PDE1C: variants seen among roughly 807,000 people sequenced by gnomAD.
The protein encoded by PDE1C is dual specificity calcium/calmodulin-dependent 3',5'-cyclic nucleotide phosphodiesterase 1C.
In PDE1C, 62 loss-of-function variants were observed where a neutral mutation model predicts 93.1. The ratio of observed to expected loss-of-function variants is 0.67; its 90% confidence interval spans 0.54 to 0.82. The LOEUF is 0.82. PDE1C is among the 40% of genes least tolerant of loss of function. The probability of loss-of-function intolerance (pLI) is 0.00; values close to 1 mark genes in which losing one functional copy is unlikely to be tolerated. For synonymous variants in PDE1C, 325 were observed against 310.1 expected, an observed-to-expected ratio of 1.05 and a Z score of -0.50; for missense variants, 742 against 884.6, an observed-to-expected ratio of 0.84 and a Z score of 2.04.
intron 6 of PDE1C, among the ~76,000 whole-genome samples, chr7:31,872,698 A>C (rs948298859): frequency 5.3e-5 from 8 of 151,986 alleles, no homozygotes; most frequent in African/African-American, 1.9e-4. Context: ...GACTACATCA[A>C]CTCCCTGAGG....
At chr7:31,934,296 G>A (rs567318876) in intron 2 of PDE1C, among the ~76,000 whole-genome samples, 1 of 152,270 alleles carries the variant, frequency 6.6e-6, no homozygotes. Flanking sequence ...AAATGATTCA[G>A]TTTTTTAAAA....
At chr7:31,956,471 A>G (rs1218269898) in intron 2 of PDE1C, among the ~76,000 whole-genome samples, 2 of 149,948 alleles carry the variant, frequency 1.3e-5, no homozygotes, top group Non-Finnish European at 3.0e-5. Context: ...TATTTCTTTG[A>G]TCATTATTGT....
At chr7:32,292,422 A>C (rs1421358018) in intron 1 of PDE1C, among the ~76,000 whole-genome samples, 1 of 152,186 alleles carries the variant, frequency 6.6e-6, no homozygotes, top group Non-Finnish European at 1.5e-5. Flanking sequence ...TTCAATTATA[A>C]AAGAAATTAA....
At chr7:31,718,700 C>A in the PDE1C span, among the ~76,000 whole-genome samples, 2 of 152,166 alleles carry the variant, frequency 1.3e-5, no homozygotes, top group Admixed American at 6.5e-5. Flanking sequence ...CCCTGTGTAC[C>A]AACCACCTTC....
chr7:32,124,872 G>C (rs150722383), intron 3 of PDE1C, among the ~76,000 whole-genome samples: 1 of 152,040 alleles, frequency 6.6e-6, no homozygotes, highest in Admixed American at 6.6e-5. Context: ...ATTGACAAAC[G>C]CAATCTAATT....
intron 1 of PDE1C, among the ~76,000 whole-genome samples, chr7:32,365,195 G>A (rs1159660492): frequency 6.6e-6 from 1 of 152,130 alleles, no homozygotes; most frequent in Non-Finnish European, 1.5e-5. Flanking sequence ...CAGTCCAGCT[G>A]AATAGCTGTC....
intron 2 of PDE1C, among the ~76,000 whole-genome samples, chr7:31,931,215 A>G (rs113720829): frequency 6.6e-6 from 1 of 152,168 alleles, no homozygotes; most frequent in Non-Finnish European, 1.5e-5. Context: ...CCTTTTCAAC[A>G]TAGTATTGGA....
At chr7:31,813,770 C>T (rs1338059108) in intron 15 of PDE1C, among the ~76,000 whole-genome samples, 3 of 151,954 alleles carry the variant, frequency 2.0e-5, no homozygotes, top group East Asian at 1.9e-4. Context: ...GAGCGGTATA[C>T]GCTGAACCCA....
At chr7:31,642,955 A>G in the PDE1C span, 1 of 1,614,030 alleles carries the variant, frequency 6.2e-7, no homozygotes, top group Middle Eastern at 1.6e-4. Context: ...CAAGACCACC[A>G]CGAGGGGAGA....
intron 1 of PDE1C, among the ~76,000 whole-genome samples, chr7:32,233,059 C>T (rs1390891245): frequency 1.3e-5 from 2 of 152,092 alleles, no homozygotes; most frequent in East Asian, 1.9e-4. Flanking sequence ...AGGCAATTAA[C>T]AGACATCAAC....
intron 10 of PDE1C, 35 bp downstream of exon 10, chr7:31,837,835 A>G: frequency 6.8e-7 from 1 of 1,462,012 alleles, no homozygotes; most frequent in Non-Finnish European, 9.6e-7. Flanking sequence ...TCAAACACCT[A>G]TACAAACAAA....
At chr7:31,895,598 C>CTCTG (rs1799198522) in intron 2 of PDE1C, among the ~76,000 whole-genome samples, 1 of 151,630 alleles carries the variant, frequency 6.6e-6, no homozygotes, top group Non-Finnish European at 1.5e-5. Flanking sequence ...CTCTCTCTCT[C>CTCTG]TCTCTCTCTC....
At chr7:32,131,911 AGTAATAGTG>A (rs2128772188) in intron 3 of PDE1C, among the ~76,000 whole-genome samples, 2 of 152,312 alleles carry the variant, frequency 1.3e-5, no homozygotes, top group East Asian at 3.9e-4. Context: ...CAATAGTAGA[AGTAATAGTG>A]GTAATAGTAG....
At chr7:32,089,035 C>T (rs1387180188) in intron 3 of PDE1C, among the ~76,000 whole-genome samples, 1 of 152,092 alleles carries the variant, frequency 6.6e-6, no homozygotes, top group East Asian at 1.9e-4. Context: ...TGAACAGTTG[C>T]CAAAATATAG....
the PDE1C span, among the ~76,000 whole-genome samples, chr7:31,675,926 C>T: frequency 1.3e-5 from 2 of 152,108 alleles, no homozygotes; most frequent in African/African-American, 4.8e-5. Flanking sequence ...ATCTGAAGAT[C>T]TGGGTATAAT....
chr7:32,076,587 G>A (rs1796366459), intron 3 of PDE1C, among the ~76,000 whole-genome samples: 1 of 148,334 alleles, frequency 6.7e-6, no homozygotes. Context: ...AGGTTGCAGT[G>A]AGCTGAGATC....
At chr7:32,327,485 A>G (rs535187771) in intron 1 of PDE1C, among the ~76,000 whole-genome samples, 3 of 152,280 alleles carry the variant, frequency 2.0e-5, no homozygotes, top group African/African-American at 7.2e-5. Flanking sequence ...TCTCTATTTC[A>G]AAATTATATA....
intron 2 of PDE1C, among the ~76,000 whole-genome samples, chr7:32,037,726 T>G (rs768397588): frequency 6.6e-6 from 1 of 152,190 alleles, no homozygotes; most frequent in Non-Finnish European, 1.5e-5. Context: ...GGGTCCTATA[T>G]CTCTCCAATT....
intron 2 of PDE1C, among the ~76,000 whole-genome samples, chr7:32,205,857 A>ACC (rs1200650678): frequency 2.6e-5 from 4 of 152,282 alleles, no homozygotes; most frequent in South Asian, 4.2e-4. Flanking sequence ...GGAGTCATTA[A>ACC]GATCGTGAAC....
Sources: gnomAD v4.1 joint callset for allele counts (sites outside exome capture counted in the v4.1 genomes callset) on GRCh38, gnomAD v4.1.1 for gene constraint, MANE v1.5 for transcripts, NCBI Gene and HGNC (gene_info 2026-07-23, HGNC 2026-07-21) for gene names.